Variants in RASSF8 observed in about 807,000 individuals in gnomAD.
RASSF8 encodes the protein ras association domain-containing protein 8.
A neutral mutation model predicts 48.5 loss-of-function variants in RASSF8; 22 were observed. The ratio of observed to expected loss-of-function variants is 0.45; its 90% CI spans 0.32 to 0.65. The LOEUF (loss-of-function observed/expected upper bound fraction) is 0.65, where lower values mean the gene tolerates loss of function less well. Among genes scored for constraint, RASSF8 ranks in the 30% least tolerant of loss-of-function variants. RASSF8 has a pLI of 0.03. For missense variants in RASSF8, 418 were observed against 489.2 expected, an observed-to-expected ratio of 0.85 and a Z score of 1.37; for synonymous variants, 127 against 171.5, an observed-to-expected ratio of 0.74 and a Z score of 2.03.
rs576940086 is a variant in RASSF8, at chr12:26,033,784, G to C, written c.-108-21452G>C. On this transcript the variant is annotated intron_variant, in intron 2 of 5. Transcript: ENST00000689635. Reference sequence around the variant, plus strand: ...TCAAGTTTGCCACCTTCCAGATAAAGGTTGAATGCCAGGACTCTCAAATCA... The same window carrying C: ...TCAAGTTTGCCACCTTCCAGATAAACGTTGAATGCCAGGACTCTCAAATCA... Among the ~76,000 whole-genome samples, 10 of 152,174 alleles carry C rather than the reference G, an allele frequency of 6.6e-5. No homozygotes were observed. In the South Asian group the frequency reaches 2.1e-3, roughly 32 times the overall value.
At chr12:26,057,127 A>T (rs1943624474) in intron 3 of RASSF8, among the ~76,000 whole-genome samples, 1 of 58,864 alleles carries the variant, frequency 1.7e-5, no homozygotes, top group South Asian at 4.9e-4. Context: ...TGTGTGTGTG[A>T]AGTTCCATTT....
Position 25,978,205 on chromosome 12 carries a change from G to T in RASSF8, c.-202-16832G>T, listed in dbSNP as rs182816695. 4.3e-4 allele frequency among the ~76,000 whole-genome samples: 65 copies of T among 152,302 alleles called. No homozygotes were observed. In the East Asian group the frequency reaches 9.3e-3, roughly 22 times the overall value. Reference sequence around the variant, plus strand: ...TAGCTGAGTATGTAGAAGCTTCTGAGATTCTGATGCAGAAAGCCGATCTGG... The same window carrying T: ...TAGCTGAGTATGTAGAAGCTTCTGATATTCTGATGCAGAAAGCCGATCTGG... On this transcript the variant is annotated intron_variant, in intron 1 of 5. Coordinates refer to ENST00000689635, the MANE Select transcript of RASSF8 (RefSeq NM_001394098.1).
chr12:26,072,530 A>T lies in RASSF8; in HGVS notation c.*3712A>T. ...AAGGCAATAAAGTATATACATATATATGGGGGGAGGGGAAAGATTAAAAAA... is the reference window on the plus strand; with the variant it reads ...AAGGCAATAAAGTATATACATATATTTGGGGGGAGGGGAAAGATTAAAAAA... On this transcript the variant is annotated 3_prime_UTR_variant, in exon 6 of 6. Coordinates refer to ENST00000689635, the MANE Select transcript of RASSF8 (RefSeq NM_001394098.1). 1 of 980,360 alleles carries T rather than the reference A, an allele frequency of 1.0e-6. No individual in the cohort carries two copies. The highest frequency in any genetic ancestry group is 1.2e-6 in the Non-Finnish European group (1 of 825,342). 60.7% of individuals were successfully genotyped at this position (980,360 alleles called of 1,614,324 possible).
intron 1 of RASSF8, among the ~76,000 whole-genome samples, chr12:25,991,993 A>C (rs566547135): frequency 7.6e-4 from 115 of 152,290 alleles, no homozygotes; most frequent in African/African-American, 2.7e-3. Flanking sequence ...CCATAATTAC[A>C]TGTTGGTGTT....
intron 2 of RASSF8, among the ~76,000 whole-genome samples, chr12:26,028,226 G>C (rs1942957722): frequency 6.6e-6 from 1 of 152,152 alleles, no homozygotes; most frequent in South Asian, 2.1e-4. Context: ...GGAAGTATAG[G>C]TGATTTTATT....
intron 1 of RASSF8, among the ~76,000 whole-genome samples, chr12:25,982,664 C>T (rs889814647): frequency 5.3e-5 from 8 of 152,106 alleles, no homozygotes; most frequent in Admixed American, 5.2e-4. Context: ...TTTTCTTGGT[C>T]CCTTGTTGCA....
At chr12:26,066,039 C>T (rs149646679) in intron 4 of RASSF8, among the ~76,000 whole-genome samples, 13 of 152,004 alleles carry the variant, frequency 8.6e-5, no homozygotes, top group East Asian at 1.9e-4. Flanking sequence ...TCAGATGGGA[C>T]GAGAAAGAGA....
chr12:25,963,321 CAAAAAAAAAA>C (rs61607517), intron 1 of RASSF8, among the ~76,000 whole-genome samples: 3 of 96,174 alleles, frequency 3.1e-5, no homozygotes, highest in Non-Finnish European at 6.2e-5. Flanking sequence ...TTGTTTTAGC[CAAAAAAAAAA>C]AAAAAAAAAA....
intron 2 of RASSF8, among the ~76,000 whole-genome samples, chr12:26,048,065 G>T (rs1314626517): frequency 6.6e-6 from 1 of 152,252 alleles, no homozygotes; most frequent in Non-Finnish European, 1.5e-5. Flanking sequence ...TTTATTCCTG[G>T]CCACTGGCTG....
At chr12:26,037,323 C>G (rs1313370903) in intron 2 of RASSF8, among the ~76,000 whole-genome samples, 3 of 152,202 alleles carry the variant, frequency 2.0e-5, no homozygotes, top group Non-Finnish European at 2.9e-5. Flanking sequence ...CTCCGTGGAT[C>G]TTTGTCACTG....
downstream of RASSF8, chr12:26,072,994 TAAAG>T (rs1008069371): frequency 5.1e-5 from 13 of 256,564 alleles, no homozygotes; most frequent in Non-Finnish European, 7.9e-5. Flanking sequence ...CATATATACT[TAAAG>T]AATCATCTAC....
chr12:26,068,641 G>T, intron 5 of RASSF8, 56 bp from the exon 6 acceptor site: 1 of 1,347,118 alleles, frequency 7.4e-7, no homozygotes, highest in Non-Finnish European at 1.0e-6. Flanking sequence ...TTTTTATATT[G>T]CTAAGTACTC....
intron 1 of RASSF8, among the ~76,000 whole-genome samples, chr12:25,993,458 T>C (rs192901429): frequency 7.9e-5 from 12 of 152,258 alleles, no homozygotes; most frequent in African/African-American, 2.9e-4. Context: ...TGAAGAAAAG[T>C]TGGTTAGGAA....
intron 2 of RASSF8, among the ~76,000 whole-genome samples, chr12:26,034,099 G>C (rs1341743594): frequency 6.6e-6 from 1 of 152,016 alleles, no homozygotes; most frequent in Non-Finnish European, 1.5e-5. Flanking sequence ...ACATGGCAGG[G>C]CAGGGAGATG....
chr12:26,064,624 T>C lies in RASSF8; in HGVS notation c.230T>C (p.Leu77Pro). The change falls in exon 4 of 6, where the codon CTA becomes CCA. Residue 77 changes from leucine to proline, a missense_variant. Transcript: ENST00000689635. ...GQYASDVQLI[L>P]RRTGPSLSER... ...TATGCTAGTGATGTGCAGCTCATTC[T>C]ACGACGAACTGGGCCGTCTCTCAGT... is the stretch of plus-strand genomic sequence containing the variant. The C allele has an allele frequency of 6.2e-7, 1 of 1,614,226 alleles. No individual in the cohort carries two copies. The highest frequency in any genetic ancestry group is 8.5e-7 in the Non-Finnish European group (1 of 1,180,036).
intron 2 of RASSF8, among the ~76,000 whole-genome samples, chr12:26,003,756 A>G (rs1423702357): frequency 3.9e-5 from 6 of 152,158 alleles, no homozygotes; most frequent in Non-Finnish European, 8.8e-5. Flanking sequence ...ATTAATAATC[A>G]GAAATTTTAT....
At chr12:26,035,582 T>TAA (rs1311285790) in intron 2 of RASSF8, among the ~76,000 whole-genome samples, 2 of 140,916 alleles carry the variant, frequency 1.4e-5, no homozygotes, top group Non-Finnish European at 3.1e-5. Flanking sequence ...ATTGTATATA[T>TAA]AATTTTATAT....
chr12:26,074,524 T>C (rs796361182), downstream of RASSF8, among the ~76,000 whole-genome samples: 10 of 151,208 alleles, frequency 6.6e-5, 1 homozygote, highest in East Asian at 1.8e-3. Flanking sequence ...TTTTTTTTTT[T>C]AGTAGAGACG....
chr12:26,066,607 T>A (rs1338963403), intron 4 of RASSF8, among the ~76,000 whole-genome samples: 1 of 152,228 alleles, frequency 6.6e-6, no homozygotes, highest in Non-Finnish European at 1.5e-5. Flanking sequence ...GTTGTGTTGC[T>A]TTTGATATCA....
Sources: allele counts gnomAD v4.1 joint callset (sites outside exome capture counted in the v4.1 genomes callset), GRCh38; gene constraint gnomAD v4.1.1; transcripts MANE v1.5; gene names NCBI Gene and HGNC (gene_info 2026-07-23, HGNC 2026-07-21).